Variants in ACSL6 observed in about 807,000 individuals in gnomAD.
ACSL6 encodes the protein long-chain-fatty-acid--CoA ligase 6.
Under a neutral mutation model 98.2 loss-of-function variants are expected in ACSL6, and 47 were observed. The observed-to-expected ratio is 0.48, with a 90% CI of 0.38 to 0.61. The LOEUF is 0.61. Ranked by LOEUF, ACSL6 falls within the 20% of genes least tolerant of loss-of-function variation. The pLI, the probability that ACSL6 is intolerant of heterozygous loss-of-function variation, is 0.00. For missense variants in ACSL6, 761 were observed against 913.4 expected (o/e 0.83, Z 2.15); for synonymous variants, 362 against 336.9 (o/e 1.07, Z -0.82).
At position 132,001,278 on chromosome 5, in the gene ACSL6, G is replaced by A. The variant is rs74708350; in HGVS notation, c.50-7027C>T. 7.5e-3 allele frequency among the ~76,000 whole-genome samples: 1,138 copies of A among 152,298 alleles called. 17 individuals carry two copies. The highest frequency in any genetic ancestry group is 0.024 in the African/African-American group (1,012 of 41,542). On this transcript the variant is annotated intron_variant, in intron 1 of 20. Coordinates refer to ENST00000651883, the MANE Select transcript of ACSL6 (RefSeq NM_001009185.3). ...CAGTGTGCAGCCCAGTTGCCAGGTT[G>A]AGAAATGCACAGCCTTCACCATCAC... is the stretch of plus-strand genomic sequence containing the variant.
chr5:131,962,547 C>G lies in ACSL6; in HGVS notation c.1845G>C (p.Gly615=). Residue 615 remains glycine (G), a synonymous_variant, in exon 18 of 21, where the codon GGG becomes GGC. Coordinates refer to ENST00000651883, the MANE Select transcript of ACSL6 (RefSeq NM_001009185.3). ...CTAGAGGCCTCACCTTTAAGCTGTCCCCATGGACATAGATTTGCGCCACAG... is the reference window on the plus strand; with the variant it reads ...CTAGAGGCCTCACCTTTAAGCTGTCGCCATGGACATAGATTTGCGCCACAG... The part of the protein sequence containing the change: ...SQPVAQIYVH[G]DSLKAFLVGI... 1 of 1,613,934 alleles carries G rather than the reference C, an allele frequency of 6.2e-7. No individual in the cohort carries two copies.
chr5:131,982,708 G>T (rs958862775), intron 9 of ACSL6: 42 of 152,408 alleles, frequency 2.8e-4, no homozygotes, highest in African/African-American at 1.0e-3. Context: ...TCTTTCTCCT[G>T]CAGGGAATGC....
At chr5:131,957,977 G>A (rs1752505707) in intron 20 of ACSL6, among the ~76,000 whole-genome samples, 1 of 152,176 alleles carries the variant, frequency 6.6e-6, no homozygotes. Flanking sequence ...CTGTATTTGA[G>A]GTTACCATGG....
At position 131,953,699 on chromosome 5, in the gene ACSL6, G is replaced by T. The variant is rs199819690; in HGVS notation, c.*535C>A. 4.3e-4 allele frequency: 83 copies of T among 191,920 alleles called. No individual in the cohort carries two copies. The East Asian group carries it at 5.4e-3, about 12-fold the overall frequency. The allele number at this position is 191,920 out of a possible 1,614,324, so 11.9% of individuals were successfully genotyped here. ...ATTTTCACATATGACAATGTGGATT[G>T]TCATGTTTAAAGACTCTGAAGTTAC... On this transcript the variant is annotated 3_prime_UTR_variant, in exon 21 of 21. Coordinates refer to ENST00000651883, the MANE Select transcript of ACSL6 (RefSeq NM_001009185.3).
intron 11 of ACSL6, among the ~76,000 whole-genome samples, chr5:131,974,510 A>G (rs1264751070): frequency 1.3e-5 from 2 of 152,258 alleles, no homozygotes; most frequent in Non-Finnish European, 2.9e-5. Context: ...AGAAGATGCT[A>G]TCAGCTGGGG....
At chr5:131,976,049 A>G in intron 10 of ACSL6, 1 of 985,278 alleles carries the variant, frequency 1.0e-6, no homozygotes, top group South Asian at 4.7e-5. Context: ...GAAAAGATAC[A>G]CTCCTTTATG....
At chr5:131,991,891 G>A (rs1001193177) in intron 2 of ACSL6, among the ~76,000 whole-genome samples, 6 of 152,180 alleles carry the variant, frequency 3.9e-5, no homozygotes, top group South Asian at 2.1e-4. Context: ...GACTGTTTTC[G>A]AGTGGAAAGT....
upstream of ACSL6, chr5:132,011,943 G>C: frequency 1.3e-6 from 2 of 1,549,864 alleles, no homozygotes; most frequent in Non-Finnish European, 8.7e-7. This position sits in a 1 kb window ranked among gnomAD's most constrained non-coding sequence, Gnocchi z 5.4. Context: ...GGCTGGAAGG[G>C]GGAGCACGGG....
chr5:131,987,969 G>C, intron 7 of ACSL6, 79 bp downstream of exon 7: 2 of 1,561,992 alleles, frequency 1.3e-6, no homozygotes, highest in Middle Eastern at 3.5e-4. Flanking sequence ...CAGGGCATGA[G>C]AGGGACAGAT....
intron 18 of ACSL6, 64 bp downstream of exon 18, chr5:131,962,471 T>C (rs1299326172): frequency 3.3e-6 from 5 of 1,526,656 alleles, no homozygotes; most frequent in Non-Finnish European, 3.5e-6. Context: ...TGGAGGTTAA[T>C]GTTTAATCTG....
In ACSL6 at chr5:131,953,952, A is replaced by T; in HGVS notation, c.*282T>A. 4.0e-6 allele frequency: 1 copy of T among 252,476 alleles called. No homozygotes were observed. Among genetic ancestry groups the T allele is most frequent in the Non-Finnish European group, 7.6e-6 (1 of 132,360 alleles). The allele number at this position is 252,476 out of a possible 1,614,324, so 15.6% of individuals were successfully genotyped here. A position where few individuals can be genotyped will look rare whatever the true frequency, so the allele number is the denominator to read the frequency against. ...GTTCTGTGAACATTGACAATATATTACTTTTAGTGGTACACAGTTCTTGAG... is the reference window on the plus strand; with the variant it reads ...GTTCTGTGAACATTGACAATATATTTCTTTTAGTGGTACACAGTTCTTGAG... On this transcript the variant is annotated 3_prime_UTR_variant, in exon 21 of 21. Transcript: ENST00000651883.
chr5:131,996,694 T>TA (rs1418375993), intron 1 of ACSL6, among the ~76,000 whole-genome samples: 1 of 152,228 alleles, frequency 6.6e-6, no homozygotes, highest in African/African-American at 2.4e-5. Flanking sequence ...CTAGAGTTTT[T>TA]ACAGAGCACA....
chr5:131,989,548 T>C, intron 4 of ACSL6, 40 bp from the exon 5 acceptor site: 2 of 1,075,144 alleles, frequency 1.9e-6, no homozygotes, highest in Non-Finnish European at 2.8e-6. Flanking sequence ...AAACAAGGAC[T>C]CTTCAACAGG....
In ACSL6 at chr5:131,974,944, A is replaced by G. The variant is rs1157671964; in HGVS notation, c.1017T>C (p.Asp339=). The part of the protein sequence containing the change: ...TEKVIFPRQD[D]VLISFLPLAH... ...CCAGAGGCAGGAAGGAGATGAGCAC[A>G]TCGTCCTGTCTCGGAAAGATCACTT... Residue 339 remains aspartate, a synonymous_variant, in exon 11 of 21, where the codon GAT becomes GAC. Coordinates refer to ENST00000651883, the MANE Select transcript of ACSL6 (RefSeq NM_001009185.3). The G allele has an allele frequency of 1.2e-6, 2 of 1,614,132 alleles. No homozygotes were observed. Among genetic ancestry groups the G allele is most frequent in the Non-Finnish European group, 1.7e-6 (2 of 1,180,012 alleles).
At position 131,951,809 on chromosome 5, in the gene ACSL6, G is replaced by A. The variant is rs1247954769; in HGVS notation, c.*2425C>T. Reference sequence around the variant, plus strand: ...TCACTGTGTTAGCCAGGATGGTCTCGATCTCCTGACTTCGTGATCTGCCCG... The same window carrying A: ...TCACTGTGTTAGCCAGGATGGTCTCAATCTCCTGACTTCGTGATCTGCCCG... On this transcript the variant is annotated 3_prime_UTR_variant, in exon 21 of 21. Transcript: ENST00000651883. 1.2e-5 allele frequency: 2 copies of A among 161,622 alleles called. No homozygotes were observed. Among genetic ancestry groups the A allele is most frequent in the Non-Finnish European group, 2.7e-5 (2 of 73,756 alleles). The allele number at this position is 161,622 out of a possible 1,614,324, so 10.0% of individuals were successfully genotyped here.
At chr5:131,976,615 A>G (rs753868240) in intron 10 of ACSL6, 33 bp downstream of exon 10, 4 of 1,560,600 alleles carry the variant, frequency 2.6e-6, no homozygotes, top group East Asian at 4.5e-5. Flanking sequence ...TGTCCTCAAG[A>G]GACACCTGCA....
At chr5:131,979,509 T>C (rs986295763) in intron 9 of ACSL6, among the ~76,000 whole-genome samples, 1 of 152,270 alleles carries the variant, frequency 6.6e-6, no homozygotes, top group Non-Finnish European at 1.5e-5. Flanking sequence ...TCCACTTGGT[T>C]AGATAAGTCC....
At chr5:132,007,772 G>A (rs1464362684) in intron 1 of ACSL6, among the ~76,000 whole-genome samples, 1 of 152,204 alleles carries the variant, frequency 6.6e-6, no homozygotes, top group Non-Finnish European at 1.5e-5. Flanking sequence ...ATGAGTATTT[G>A]AGTGCCTACT....
rs1223557606 is a variant in ACSL6 at position 131,966,549 on chromosome 5, A to T, written c.1597-17T>A. The stretch of plus-strand genomic sequence containing the variant: ...CACACATATCTATGGGACAAAAACC[A>T]TGGCTTCTCTCAGCCACATCATGAG... On this transcript the variant is annotated splice_polypyrimidine_tract_variant and intron_variant, in intron 16 of 20. Coordinates refer to ENST00000651883, the MANE Select transcript of ACSL6 (RefSeq NM_001009185.3). 6.2e-7 allele frequency: 1 copy of T among 1,607,668 alleles called. No homozygotes were observed. The highest frequency in any genetic ancestry group is 8.5e-7 in the Non-Finnish European group (1 of 1,174,174).
Sources: allele counts gnomAD v4.1 joint callset (sites outside exome capture counted in the v4.1 genomes callset), GRCh38; gene constraint gnomAD v4.1.1; non-coding constraint Gnocchi (gnomAD v3.1); transcripts MANE v1.5; gene names NCBI Gene and HGNC (gene_info 2026-07-23, HGNC 2026-07-21).